Variants in VWA2 observed in about 807,000 individuals in gnomAD.
VWA2 encodes the protein von Willebrand factor A domain containing 2.
In VWA2, 73 loss-of-function variants were observed where a neutral mutation model predicts 70.4. The ratio of observed to expected loss-of-function variants is 1.04; its 90% CI spans 0.86 to 1.26. The LOEUF is 1.26. Ranked by LOEUF, VWA2 falls within the 50% of genes most tolerant of loss-of-function variation. The pLI is 0.00. For synonymous variants in VWA2, 407 were observed against 423.3 expected, an observed-to-expected ratio of 0.96 and a Z score of 0.47; for missense variants, 1,011 against 998.5, an observed-to-expected ratio of 1.01 and a Z score of -0.17.
At chr10:114,270,512 C>T (rs1034251675) in intron 5 of VWA2, among the ~76,000 whole-genome samples, 5 of 152,118 alleles carry the variant, frequency 3.3e-5, no homozygotes, top group Admixed American at 6.5e-5. Flanking sequence ...AGATTAGTAC[C>T]TTTTACCATG....
At chr10:114,282,302 C>A (rs2038237480) in intron 8 of VWA2, among the ~76,000 whole-genome samples, 2 of 152,250 alleles carry the variant, frequency 1.3e-5, no homozygotes, top group South Asian at 2.1e-4. Flanking sequence ...CCACTCCCAG[C>A]CTATTTTTTT....
At chr10:114,283,298 C>T (rs9421165) in intron 9 of VWA2, among the ~76,000 whole-genome samples, 1,666 of 141,638 alleles carry the variant, frequency 0.012, 48 homozygotes, top group African/African-American at 0.038. Flanking sequence ...GGCAGGGCAG[C>T]GAGCAGTTAG....
chr10:114,291,133 G>T, intron 13 of VWA2, 85 bp from the exon 14 acceptor site: 9 of 1,489,132 alleles, frequency 6.0e-6, no homozygotes, highest in Non-Finnish European at 8.2e-6. Context: ...GTAAGAGCAG[G>T]ACCTGAAGGG....
At chr10:114,254,557 C>T (rs2037278586) in intron 3 of VWA2, among the ~76,000 whole-genome samples, 1 of 152,180 alleles carries the variant, frequency 6.6e-6, no homozygotes, top group Admixed American at 6.5e-5. Context: ...AACATGGCCT[C>T]ACATATCAGG....
chr10:114,272,842 T>C lies in VWA2; in HGVS notation c.474T>C (p.Thr158=), dbSNP rs1307688824. ...TGCCCCAGATCCTCATCATCGTCAC[T>C]GATGGGAAGTCCCAGGGGGATGTGG... ...ASVPQILIIV[T]DGKSQGDVAL... is the part of the protein sequence containing the mutation. The change falls in exon 6 of 14, where the codon ACT becomes ACC. Residue 158 remains threonine, a synonymous_variant. Coordinates refer to ENST00000392982, the MANE Select transcript of VWA2 (RefSeq NM_001272046.2). 23 of 1,614,010 alleles carry C rather than the reference T, an allele frequency of 1.4e-5. No homozygotes were observed. The highest frequency in any genetic ancestry group is 1.9e-5 in the Non-Finnish European group (23 of 1,180,016).
chr10:114,269,344 G>A (rs537867597), intron 5 of VWA2, among the ~76,000 whole-genome samples: 1 of 152,330 alleles, frequency 6.6e-6, no homozygotes, highest in East Asian at 1.9e-4. Context: ...GCTTTGGGAG[G>A]CCAGGGCGGG....
chr10:114,288,774 A>G (rs772332568), intron 11 of VWA2, among the ~76,000 whole-genome samples, 164 bp from the exon 12 acceptor site: 2 of 152,232 alleles, frequency 1.3e-5, no homozygotes, highest in Non-Finnish European at 2.9e-5. Flanking sequence ...ATATTCTAGG[A>G]AAGTGCTGTT....
At chr10:114,263,328 A>ATTTTTTTTTTTTTTT (rs35723083) in intron 5 of VWA2, among the ~76,000 whole-genome samples, 2 of 76,144 alleles carry the variant, frequency 2.6e-5, no homozygotes, top group Non-Finnish European at 4.7e-5. Flanking sequence ...AATCTCCCCC[A>ATTTTTTTTTTTTTTT]TTTTTTTTTT....
At chr10:114,275,565 G>GA (rs2037822019) in intron 6 of VWA2, among the ~76,000 whole-genome samples, 5 of 111,432 alleles carry the variant, frequency 4.5e-5, no homozygotes, top group African/African-American at 4.2e-5. Context: ...TCTCAAACTG[G>GA]ACCAGTATTT....
chr10:114,242,890 T>G (rs2036999028), intron 1 of VWA2, among the ~76,000 whole-genome samples: 1 of 152,246 alleles, frequency 6.6e-6, no homozygotes, highest in African/African-American at 2.4e-5. Flanking sequence ...CCTGTCTCAC[T>G]GGATCTTTAC....
In VWA2 at chr10:114,278,190, G is replaced by A. The variant is rs2037896603; in HGVS notation, c.700+143G>A. 5 of 1,219,166 alleles carry A rather than the reference G, an allele frequency of 4.1e-6. No homozygotes were observed. The East Asian group carries it at 1.0e-4, about 25-fold the overall frequency. The allele number at this position is 1,219,166 out of a possible 1,614,324, so 75.5% of individuals were successfully genotyped here. On this transcript the variant is annotated intron_variant, in intron 7 of 13. Coordinates refer to ENST00000392982, the MANE Select transcript of VWA2 (RefSeq NM_001272046.2). ...GAGACCGGCAGCCTCCACCCTGGAT[G>A]CTCTGCGTCTCCCTGTGCCCTGCCC... is the stretch of plus-strand genomic sequence containing the variant.
At chr10:114,240,944 G>C (rs2036964959) in intron 1 of VWA2, among the ~76,000 whole-genome samples, 1 of 152,162 alleles carries the variant, frequency 6.6e-6, no homozygotes, top group African/African-American at 2.4e-5. Context: ...CATTAAATCT[G>C]GTTTTTGGTC....
At position 114,275,649 on chromosome 10, in the gene VWA2, C is replaced by T. The variant is rs117478702; in HGVS notation, c.567-2265C>T. Among the ~76,000 whole-genome samples the T allele has an allele frequency of 4.7e-3, 709 of 152,218 alleles. 2 individuals are homozygous for T. Among genetic ancestry groups the T allele is most frequent in the Middle Eastern group, 0.024 (7 of 294 alleles). ...TTTAAAAATACAATAAAAATGAGGC[C>T]GGGCATGGTGGCTCACGCCTGTAAT... On this transcript the variant is annotated intron_variant, in intron 6 of 13. Transcript: ENST00000392982.
intron 1 of VWA2, chr10:114,246,238 C>T (rs536787862): frequency 4.8e-4 from 416 of 863,678 alleles, no homozygotes; most frequent in African/African-American, 4.3e-3. Context: ...TGGTGGCTCA[C>T]GCCTGTAATC....
chr10:114,256,889 G>A (rs560048093), intron 4 of VWA2, among the ~76,000 whole-genome samples: 38 of 131,990 alleles, frequency 2.9e-4, no homozygotes, highest in Non-Finnish European at 4.0e-4. Context: ...CAGCCTGGGC[G>A]ACAGAGTGAA....
In VWA2 at chr10:114,292,086, G is replaced by A. The variant is rs991070424; in HGVS notation, c.*849G>A. 1.3e-5 allele frequency among the ~76,000 whole-genome samples: 2 copies of A among 152,092 alleles called. No individual in the cohort carries two copies. Among genetic ancestry groups the A allele is most frequent in the Non-Finnish European group, 2.9e-5 (2 of 68,012 alleles). On this transcript the variant is annotated 3_prime_UTR_variant, in exon 14 of 14. Transcript: ENST00000392982. ...GAGGTCAGGAGTTTGAGACCAGCCT[G>A]GCCAACGTGGTGAAAGTTTGTCTTT...
chr10:114,267,280 C>T (rs761595446), intron 5 of VWA2, among the ~76,000 whole-genome samples: 4 of 151,868 alleles, frequency 2.6e-5, no homozygotes, highest in Non-Finnish European at 5.9e-5. Context: ...CCATGCCCGG[C>T]TAATTTTTGT....
rs139506321 is a variant in VWA2 at position 114,289,377 on chromosome 10, C to T, written c.2010C>T (p.Val670=). ...TCTTGGTCGTGGGCGTGGGGCCTGT[C>T]CTAAGTGAGGGTCTGCGGAGGCTTG... is the stretch of plus-strand genomic sequence containing the variant. The part of the protein sequence containing the change: ...ISVLVVGVGP[V]LSEGLRRLAG... The change falls in exon 12 of 14, where the codon GTC becomes GTT. Residue 670 remains valine, a synonymous_variant. Transcript: ENST00000392982. 5.1e-4 allele frequency: 821 copies of T among 1,614,194 alleles called. 7 individuals carry two copies. The African/African-American group carries it at 9.8e-3, about 19-fold the overall frequency.
At chr10:114,266,516 C>T (rs1274960868) in intron 5 of VWA2, among the ~76,000 whole-genome samples, 1 of 152,078 alleles carries the variant, frequency 6.6e-6, no homozygotes, top group African/African-American at 2.4e-5. Context: ...GGCAGTCCCC[C>T]AAAAGTATGT....
Sources: allele counts gnomAD v4.1 joint callset (sites outside exome capture counted in the v4.1 genomes callset), GRCh38; gene constraint gnomAD v4.1.1; transcripts MANE v1.5; gene names NCBI Gene and HGNC (gene_info 2026-07-23, HGNC 2026-07-21).